The following RBFOX1 variants were observed in gnomAD, a reference collection of about 807,000 sequenced individuals.
The protein encoded by RBFOX1 is RNA binding fox-1 homolog 1.
In RBFOX1, 8 loss-of-function variants were observed where a neutral mutation model predicts 57.7. The observed-to-expected ratio is 0.14, with a 90% CI of 0.08 to 0.25. RBFOX1 has a LOEUF of 0.25. Ranked by LOEUF, RBFOX1 falls within the 10% of genes least tolerant of loss-of-function variation. RBFOX1 has a pLI of 1.00. For missense variants in RBFOX1, 611 were observed against 548.5 expected, an observed-to-expected ratio of 1.11 and a Z score of -1.14; for synonymous variants, 326 against 222.4, an observed-to-expected ratio of 1.47 and a Z score of -4.15.
chr16:7,039,547 C>G (rs1233835985), intron 3 of RBFOX1, among the ~76,000 whole-genome samples: 2 of 152,138 alleles, frequency 1.3e-5, no homozygotes, highest in Non-Finnish European at 2.9e-5. Context: ...TTTCTCACCT[C>G]CTTTCCTGAA....
chr16:7,538,019 A>C (rs971789225), intron 5 of RBFOX1, among the ~76,000 whole-genome samples: 3 of 152,240 alleles, frequency 2.0e-5, no homozygotes, highest in Non-Finnish European at 2.9e-5. Context: ...GAGATGAGTC[A>C]GACATTGTCT....
At chr16:7,112,201 T>G (rs1798544064) in intron 4 of RBFOX1, among the ~76,000 whole-genome samples, 1 of 152,178 alleles carries the variant, frequency 6.6e-6, no homozygotes, top group Admixed American at 6.5e-5. Flanking sequence ...ATCTTGTACA[T>G]AGTCAGCAAA....
At chr16:7,562,942 C>A (rs1006473358) in intron 5 of RBFOX1, among the ~76,000 whole-genome samples, 1 of 152,162 alleles carries the variant, frequency 6.6e-6, no homozygotes, top group Non-Finnish European at 1.5e-5. Flanking sequence ...AACCAAGTGC[C>A]CCGAGAGCTG....
chr16:7,538,299 A>G lies in RBFOX1; in HGVS notation c.270+19910A>G, dbSNP rs190609971. Among the ~76,000 whole-genome samples, 14 of 152,226 alleles carry G rather than the reference A, an allele frequency of 9.2e-5. No individual in the cohort carries two copies. The East Asian group carries it at 1.9e-3, about 21-fold the overall frequency. On this transcript the variant is annotated intron_variant, in intron 5 of 15. Transcript: ENST00000550418. Reference sequence around the variant, plus strand: ...ATTTAAAGCCTCCTATTGTCCAGCAATGGTATGTGCTGTCCATCTGCCCCA... The same window carrying G: ...ATTTAAAGCCTCCTATTGTCCAGCAGTGGTATGTGCTGTCCATCTGCCCCA...
At chr16:5,751,528 G>C (rs1037607784) in intron 3 of RBFOX1, among the ~76,000 whole-genome samples, 2 of 152,136 alleles carry the variant, frequency 1.3e-5, no homozygotes, top group African/African-American at 4.8e-5. Context: ...AGATGATGTG[G>C]CTGCTGGATG....
chr16:6,163,899 C>A (rs943660921), intron 1 of RBFOX1, among the ~76,000 whole-genome samples: 1 of 152,056 alleles, frequency 6.6e-6, no homozygotes, highest in Non-Finnish European at 1.5e-5. Flanking sequence ...GACGTTGCCT[C>A]TGTGTTTTCT....
At chr16:7,012,047 C>T (rs1247566828) in intron 3 of RBFOX1, among the ~76,000 whole-genome samples, 1 of 152,154 alleles carries the variant, frequency 6.6e-6, no homozygotes, top group Non-Finnish European at 1.5e-5. Flanking sequence ...ATTATCCAGA[C>T]CTCCAAAATA....
chr16:6,872,012 C>T lies in RBFOX1; in HGVS notation c.-15-180045C>T, dbSNP rs557201737. ...TCTGAAACCCTTTGTATACTCAATC[C>T]TATTGTTCATTATGATTGTGTGTAG... On this transcript the variant is annotated intron_variant, in intron 3 of 15. Coordinates refer to ENST00000550418, the MANE Select transcript of RBFOX1 (RefSeq NM_018723.4). Among the ~76,000 whole-genome samples, 5 of 149,020 alleles carry T rather than the reference C, an allele frequency of 3.4e-5. No individual in the cohort carries two copies. The East Asian group carries it at 1.0e-3, about 30-fold the overall frequency.
At chr16:5,304,924 A>G (rs766823043) in intron 1 of RBFOX1, among the ~76,000 whole-genome samples, 1 of 152,164 alleles carries the variant, frequency 6.6e-6, no homozygotes, top group South Asian at 2.1e-4. Flanking sequence ...CATTACTGGC[A>G]ATTTGAATCT....
intron 1 of RBFOX1, among the ~76,000 whole-genome samples, chr16:6,189,832 T>C (rs1433362948): frequency 2.6e-5 from 4 of 152,210 alleles, no homozygotes; most frequent in South Asian, 2.1e-4. Flanking sequence ...TGGTTAAACA[T>C]ATATTTTGTT....
intron 4 of RBFOX1, among the ~76,000 whole-genome samples, chr16:7,478,794 G>A (rs911816253): frequency 6.6e-6 from 1 of 152,146 alleles, no homozygotes; most frequent in African/African-American, 2.4e-5. Context: ...CTAAATAAAT[G>A]GATCTAGTCT....
intron 4 of RBFOX1, among the ~76,000 whole-genome samples, chr16:7,313,754 A>G (rs2096374863): frequency 6.6e-6 from 1 of 152,168 alleles, no homozygotes; most frequent in South Asian, 2.1e-4. Flanking sequence ...CTTCATTTTT[A>G]GATGCAGAAT....
At chr16:5,628,312 A>G (rs992543693) in intron 3 of RBFOX1, among the ~76,000 whole-genome samples, 1 of 152,214 alleles carries the variant, frequency 6.6e-6, no homozygotes, top group African/African-American at 2.4e-5. Context: ...ATTATCACAG[A>G]CTAAATTCTT....
intron 3 of RBFOX1, among the ~76,000 whole-genome samples, chr16:6,947,701 T>G (rs2153516744): frequency 6.6e-6 from 1 of 152,354 alleles, no homozygotes; most frequent in South Asian, 2.1e-4. Context: ...TGAGCCTCAG[T>G]TTGCTGAAAT....
intron 3 of RBFOX1, among the ~76,000 whole-genome samples, chr16:6,658,912 GT>G (rs1370900553): frequency 9.0e-6 from 1 of 111,412 alleles, no homozygotes; most frequent in Non-Finnish European, 1.8e-5. Flanking sequence ...CAGGTTTTTT[GT>G]TTTTTTGTTT....
chr16:7,685,667 G>T (rs369262791), intron 14 of RBFOX1, among the ~76,000 whole-genome samples: 24 of 152,180 alleles, frequency 1.6e-4, no homozygotes, highest in East Asian at 1.2e-3. Context: ...TATTTGCAGT[G>T]AATATATAGA....
intron 1 of RBFOX1, among the ~76,000 whole-genome samples, chr16:6,114,072 G>T (rs1386575853): frequency 2.6e-5 from 4 of 152,140 alleles, no homozygotes; most frequent in Admixed American, 6.5e-5. Context: ...TCAATCTCTA[G>T]ATAGGTATGT....
intron 4 of RBFOX1, among the ~76,000 whole-genome samples, chr16:5,880,505 C>T (rs74004667): frequency 6.6e-6 from 1 of 152,196 alleles, no homozygotes; most frequent in African/African-American, 2.4e-5. Flanking sequence ...GTATTTCAAT[C>T]TTACAATAAT....
rs546323444 is a variant in RBFOX1 at position 6,091,112 on chromosome 16, C to G, written c.-127+71120C>G. Among the ~76,000 whole-genome samples, 4 of 152,288 alleles carry G rather than the reference C, an allele frequency of 2.6e-5. No individual in the cohort carries two copies. In the East Asian group the frequency reaches 7.7e-4, roughly 29 times the overall value. On this transcript the variant is annotated intron_variant, in intron 1 of 15. Transcript: ENST00000550418. The stretch of plus-strand genomic sequence containing the variant: ...TAAATATATAATACATTACTGTTAA[C>G]TATTGTCACCTTACTGTGCTGTGGA...
Sources: gnomAD v4.1 joint callset for allele counts (sites outside exome capture counted in the v4.1 genomes callset) on GRCh38, gnomAD v4.1.1 for gene constraint, MANE v1.5 for transcripts, NCBI Gene and HGNC (gene_info 2026-07-23, HGNC 2026-07-21) for gene names.